Variants in POU2F1 observed in about 807,000 individuals in gnomAD.
POU2F1 encodes the protein POU class 2 homeobox 1, also known as POU domain, class 2, transcription factor 1.
POU2F1 carries 16 observed loss-of-function variants against 84.9 expected under a neutral mutation model. The observed-to-expected ratio is 0.19, with a 90% CI of 0.13 to 0.29. The LOEUF is 0.29. Ranked by LOEUF, POU2F1 falls within the 10% of genes least tolerant of loss-of-function variation. The pLI, the probability that POU2F1 is intolerant of heterozygous loss-of-function variation, is 1.00. For synonymous variants in POU2F1, 368 were observed against 368.3 expected (o/e 1.00, Z 0.01); for missense variants, 738 against 942.6 (o/e 0.78, Z 2.84).
At position 167,251,864 on chromosome 1, in the gene POU2F1, A is replaced by T. The variant is rs868721647; in HGVS notation, c.61+30906A>T. Among the ~76,000 whole-genome samples, 12 of 146,232 alleles carry T rather than the reference A, an allele frequency of 8.2e-5. No individual in the cohort carries two copies. In the South Asian group the frequency reaches 1.7e-3, roughly 21 times the overall value. On this transcript the variant is annotated intron_variant, in intron 1 of 15. Transcript: ENST00000367866. Reference sequence around the variant, plus strand: ...TCGTTATATCTTTTTTTTTTTTTTTAAACAGAGCCTCACTGTGTCGCCCAG... The same window carrying T: ...TCGTTATATCTTTTTTTTTTTTTTTTAACAGAGCCTCACTGTGTCGCCCAG...
chr1:167,269,009 A>G (rs1652175886), intron 1 of POU2F1, among the ~76,000 whole-genome samples: 1 of 152,330 alleles, frequency 6.6e-6, no homozygotes, highest in East Asian at 1.9e-4. Context: ...AATTGCTGAG[A>G]GCAGTTCATG....
intron 1 of POU2F1, among the ~76,000 whole-genome samples, chr1:167,245,931 A>G (rs35656339): frequency 0.012 from 1,850 of 152,274 alleles, 14 homozygotes; most frequent in South Asian, 0.027. Flanking sequence ...ACAAGAAGCT[A>G]TGTTTTTCAT....
intron 8 of POU2F1, chr1:167,387,102 C>T (rs764747721): frequency 8.8e-6 from 4 of 453,196 alleles, no homozygotes; most frequent in East Asian, 7.0e-5. Context: ...TCCTGGCCTC[C>T]GTTCTCTGCA....
In POU2F1 at chr1:167,384,084, A is replaced by G. The variant is rs1571413537; in HGVS notation, c.813+133A>G. On this transcript the variant is annotated intron_variant, in intron 8 of 15. Transcript: ENST00000367866. ...GAAAACTGACCAGAAAATCAAAGCT[A>G]GGCTTATCAGCTCAATGCTACCAAA... is the stretch of plus-strand genomic sequence containing the variant. 4.4e-6 allele frequency: 3 copies of G among 683,350 alleles called. No individual in the cohort carries two copies. The East Asian group carries it at 8.8e-5, about 20-fold the overall frequency. 42.3% of individuals were successfully genotyped at this position (683,350 alleles called of 1,614,324 possible).
chr1:167,389,565 T>C (rs1648236889), intron 8 of POU2F1, 23 bp from the exon 9 acceptor site: 1 of 1,612,862 alleles, frequency 6.2e-7, no homozygotes, highest in Non-Finnish European at 8.5e-7. Context: ...TTTTTCCTCA[T>C]TGTTTTATTC....
chr1:167,407,447 A>G (rs754530155), intron 13 of POU2F1, among the ~76,000 whole-genome samples: 1 of 152,248 alleles, frequency 6.6e-6, no homozygotes, highest in Admixed American at 6.5e-5. Context: ...AGCCAAAACA[A>G]TTTTGAGAAA....
chr1:167,356,851 C>T (rs1279264706), intron 2 of POU2F1, among the ~76,000 whole-genome samples: 7 of 152,188 alleles, frequency 4.6e-5, no homozygotes, highest in African/African-American at 1.7e-4. Flanking sequence ...GGGCTGCCCA[C>T]ATGTGTAGTG....
intron 1 of POU2F1, among the ~76,000 whole-genome samples, chr1:167,315,645 TTTG>T (rs1655835197): frequency 6.6e-6 from 1 of 151,960 alleles, no homozygotes; most frequent in African/African-American, 2.4e-5. Flanking sequence ...TGTTTGTTTG[TTTG>T]TTTTTTAATT....
At chr1:167,342,940 A>T (rs1156468831) in intron 2 of POU2F1, among the ~76,000 whole-genome samples, 3 of 152,040 alleles carry the variant, frequency 2.0e-5, no homozygotes, top group Non-Finnish European at 4.4e-5. Flanking sequence ...TGGCTGAAGC[A>T]TTTCCAGAGA....
At chr1:167,222,089 C>G (rs985269715) in intron 1 of POU2F1, among the ~76,000 whole-genome samples, 13 of 152,132 alleles carry the variant, frequency 8.5e-5, no homozygotes, top group African/African-American at 3.1e-4. Context: ...CGGGGCCTCT[C>G]GCTCCGAGGC....
At chr1:167,226,781 A>G (rs1648659991) in intron 1 of POU2F1, among the ~76,000 whole-genome samples, 1 of 152,186 alleles carries the variant, frequency 6.6e-6, no homozygotes, top group Non-Finnish European at 1.5e-5. Context: ...CTCAGTGACT[A>G]ATAGAGCTCT....
intron 13 of POU2F1, among the ~76,000 whole-genome samples, chr1:167,403,397 A>G (rs911483679): frequency 5.3e-5 from 8 of 152,226 alleles, no homozygotes; most frequent in Admixed American, 4.6e-4. Flanking sequence ...AATTGTGATG[A>G]TTTAAGCTGC....
chr1:167,337,438 G>A (rs1381583065), intron 2 of POU2F1, among the ~76,000 whole-genome samples: 2 of 152,150 alleles, frequency 1.3e-5, no homozygotes, highest in Non-Finnish European at 1.5e-5. Flanking sequence ...GTTGTTATAC[G>A]ACAGCTTAAA....
At chr1:167,229,598 C>G (rs538372840) in intron 1 of POU2F1, among the ~76,000 whole-genome samples, 30 of 152,188 alleles carry the variant, frequency 2.0e-4, no homozygotes, top group African/African-American at 6.5e-4. Context: ...GGTGATAATA[C>G]CAGTGTTAGA....
intron 4 of POU2F1, 131 bp downstream of exon 4, chr1:167,370,345 A>C: frequency 1.4e-6 from 1 of 695,730 alleles, no homozygotes; most frequent in Non-Finnish European, 2.2e-6. Context: ...AATCTCGTGA[A>C]GATTCAAATA....
At chr1:167,311,725 T>C (rs1655484815) in intron 1 of POU2F1, among the ~76,000 whole-genome samples, 1 of 152,050 alleles carries the variant, frequency 6.6e-6, no homozygotes, top group South Asian at 2.1e-4. Context: ...TGTGCAGCTA[T>C]ACAATGTCTT....
chr1:167,323,830 C>T (rs577695616), intron 1 of POU2F1, among the ~76,000 whole-genome samples: 18 of 152,188 alleles, frequency 1.2e-4, no homozygotes, highest in Admixed American at 1.2e-3. Flanking sequence ...GTAGTTGGGA[C>T]TATAGGCGCA....
At chr1:167,356,909 T>TGTAG (rs1381268379) in intron 2 of POU2F1, among the ~76,000 whole-genome samples, 1 of 152,184 alleles carries the variant, frequency 6.6e-6, no homozygotes, top group Non-Finnish European at 1.5e-5. Flanking sequence ...TTTAGGAAGT[T>TGTAG]GTAGACATGC....
At chr1:167,334,609 C>A (rs1657312383) in intron 2 of POU2F1, among the ~76,000 whole-genome samples, 1 of 152,088 alleles carries the variant, frequency 6.6e-6, no homozygotes, top group Non-Finnish European at 1.5e-5. Flanking sequence ...CTGACTGGAG[C>A]ACTTGTTGTA....
Sources: allele counts gnomAD v4.1 joint callset (sites outside exome capture counted in the v4.1 genomes callset), GRCh38; gene constraint gnomAD v4.1.1; transcripts MANE v1.5; gene names NCBI Gene and HGNC (gene_info 2026-07-23, HGNC 2026-07-21).